DOCK8: variants seen among roughly 807,000 people sequenced by gnomAD.
DOCK8 encodes the protein dedicator of cytokinesis protein 8.
In DOCK8, 141 loss-of-function variants were observed where a neutral mutation model predicts 245.6. That is an observed-to-expected ratio of 0.57 (90% CI 0.50 to 0.66). The LOEUF is 0.66. Ranked by LOEUF, DOCK8 falls within the 30% of genes least tolerant of loss-of-function variation. The pLI is 0.00. For synonymous variants in DOCK8, 1,168 were observed against 970.2 expected, an observed-to-expected ratio of 1.20 and a Z score of -3.79; for missense variants, 2,965 against 2,603.4, an observed-to-expected ratio of 1.14 and a Z score of -3.02.
intron 7 of DOCK8, among the ~76,000 whole-genome samples, chr9:318,693 GC>G (rs2050455212): frequency 6.6e-6 from 1 of 152,228 alleles, no homozygotes; most frequent in African/African-American, 2.4e-5. Context: ...GCAAGCTCTT[GC>G]CCTTGCAAAC....
intron 15 of DOCK8, chr9:368,373 G>A (rs973511930): frequency 3.0e-5 from 21 of 696,494 alleles, no homozygotes; most frequent in Admixed American, 1.7e-4. Flanking sequence ...CATTTTAGAG[G>A]ATTAAAAAAA....
rs1424969763 is a variant in DOCK8, at chr9:426,898, T to C, written c.4255T>C (p.Leu1419=). The C allele has an allele frequency of 1.1e-5, 18 of 1,614,108 alleles. No individual in the cohort carries two copies. Among genetic ancestry groups the C allele is most frequent in the Non-Finnish European group, 1.4e-5 (17 of 1,179,990 alleles). ...NEKLDKTKAE[L]DQEALISGNL... ...GTTGTTTCCTAGAACAAAGGCCGAG[T>C]TAGATCAAGAAGCCTTGATCAGTGG... The change falls in exon 34 of 48, where the codon TTA becomes CTA. Residue 1419 remains leucine (L), a synonymous_variant. Coordinates refer to ENST00000432829, the MANE Select transcript of DOCK8 (RefSeq NM_203447.4).
chr9:231,535 A>G (rs951941873), intron 1 of DOCK8, among the ~76,000 whole-genome samples: 13 of 152,186 alleles, frequency 8.5e-5, no homozygotes, highest in Non-Finnish European at 1.5e-4. Flanking sequence ...ACCCATGAGC[A>G]TGGAATGTTC....
At chr9:341,959 C>T (rs1262493229) in intron 14 of DOCK8, among the ~76,000 whole-genome samples, 1 of 152,170 alleles carries the variant, frequency 6.6e-6, no homozygotes, top group East Asian at 1.9e-4. Flanking sequence ...AATCTAATGC[C>T]TGATATTCTG....
At chr9:400,766 TCCA>T (rs1184109812) in intron 26 of DOCK8, among the ~76,000 whole-genome samples, 1 of 13,150 alleles carries the variant, frequency 7.6e-5, no homozygotes, top group Non-Finnish European at 1.6e-4. Flanking sequence ...CACCACCACC[TCCA>T]CCACCACCAC....
At chr9:222,461 A>T (rs1256382030) in intron 1 of DOCK8, among the ~76,000 whole-genome samples, 1 of 152,172 alleles carries the variant, frequency 6.6e-6, no homozygotes, top group Non-Finnish European at 1.5e-5. Flanking sequence ...CAGAAAAGGT[A>T]TACCTGTTTC....
At chr9:316,217 T>C (rs7024053) in intron 6 of DOCK8, among the ~76,000 whole-genome samples, 81,354 of 152,072 alleles carry the variant, frequency 0.53, 22,816 homozygotes, top group African/African-American at 0.68. Flanking sequence ...CCCTGTTCTT[T>C]GGACCCTTGC....
intron 30 of DOCK8, chr9:420,015 C>T (rs1049589521): frequency 9.5e-6 from 3 of 314,472 alleles, no homozygotes; most frequent in African/African-American, 6.4e-5. Context: ...TGCTGCCCAG[C>T]ACGAAGGAGA....
intron 24 of DOCK8, among the ~76,000 whole-genome samples, chr9:391,778 C>T (rs1451550231): frequency 1.4e-5 from 2 of 146,422 alleles, no homozygotes; most frequent in Non-Finnish European, 3.0e-5. Flanking sequence ...ATAATGTTAG[C>T]TTTATATTCA....
intron 4 of DOCK8, among the ~76,000 whole-genome samples, chr9:298,375 A>G (rs1441018166): frequency 6.6e-6 from 1 of 152,236 alleles, no homozygotes; most frequent in African/African-American, 2.4e-5. Context: ...CAGTGAGCCA[A>G]GATCATGCCG....
chr9:425,376 C>CA (rs1471815528), intron 33 of DOCK8, among the ~76,000 whole-genome samples: 1 of 151,810 alleles, frequency 6.6e-6, no homozygotes, highest in African/African-American at 2.4e-5. Flanking sequence ...ACTAAAAATA[C>CA]AAAAAAGTAG....
chr9:285,036 C>A (rs1432074731), intron 2 of DOCK8, among the ~76,000 whole-genome samples: 1 of 152,022 alleles, frequency 6.6e-6, no homozygotes, highest in Non-Finnish European at 1.5e-5. Flanking sequence ...ACAACAAACC[C>A]CCATGACATG....
intron 1 of DOCK8, among the ~76,000 whole-genome samples, chr9:238,033 C>G: frequency 6.6e-6 from 1 of 152,240 alleles, no homozygotes; most frequent in East Asian, 1.9e-4. Flanking sequence ...AGATGAGTCA[C>G]GTTACTTTTT....
At chr9:369,601 G>A (rs1367846410) in intron 15 of DOCK8, 1 of 153,976 alleles carries the variant, frequency 6.5e-6, no homozygotes, top group Non-Finnish European at 1.4e-5. Context: ...CTGGAACTGG[G>A]GATTTCTCAC....
At chr9:267,810 C>A (rs895191370) in intron 1 of DOCK8, among the ~76,000 whole-genome samples, 1 of 152,106 alleles carries the variant, frequency 6.6e-6, no homozygotes, top group African/African-American at 2.4e-5. Flanking sequence ...ATGTGGGATG[C>A]TTTGGTTATT....
chr9:401,014 CATGACCACCTCCTT>C (rs2055059117), intron 26 of DOCK8, among the ~76,000 whole-genome samples: 1 of 146,432 alleles, frequency 6.8e-6, no homozygotes. Context: ...TTAGCTCCAC[CATGACCACCTCCTT>C]CACCTCCACC....
chr9:222,117 G>C (rs1366622962), intron 1 of DOCK8, among the ~76,000 whole-genome samples: 2 of 151,900 alleles, frequency 1.3e-5, no homozygotes, highest in East Asian at 3.9e-4. Flanking sequence ...CAAAACATTA[G>C]GCAGACAGGG....
chr9:358,926 A>G (rs181117865), intron 14 of DOCK8, among the ~76,000 whole-genome samples: 32 of 152,350 alleles, frequency 2.1e-4, no homozygotes, highest in Non-Finnish European at 4.4e-4. Context: ...GGGAATCACA[A>G]TGAACGATAA....
chr9:408,739 C>T (rs1185523123), intron 28 of DOCK8, among the ~76,000 whole-genome samples: 1 of 152,196 alleles, frequency 6.6e-6, no homozygotes, highest in East Asian at 1.9e-4. Flanking sequence ...TAGCTGGAAA[C>T]AGCCATGACA....
Sources: gnomAD v4.1 joint callset for allele counts (sites outside exome capture counted in the v4.1 genomes callset) on GRCh38, gnomAD v4.1.1 for gene constraint, MANE v1.5 for transcripts, NCBI Gene and HGNC (gene_info 2026-07-23, HGNC 2026-07-21) for gene names.